Variants in RANBP17 observed in about 807,000 individuals in gnomAD.
RANBP17 encodes the protein RAN binding protein 17.
In RANBP17, 158 loss-of-function variants were observed where a neutral mutation model predicts 141.2. That is an observed-to-expected ratio of 1.12 (90% CI 0.98 to 1.28). The LOEUF (loss-of-function observed/expected upper bound fraction) is 1.28, where lower values mean the gene tolerates loss of function less well. Ranked by LOEUF, RANBP17 falls within the 50% of genes most tolerant of loss-of-function variation. The pLI is 0.00. For synonymous variants in RANBP17, 430 were observed against 450.0 expected, an observed-to-expected ratio of 0.96 and a Z score of 0.56; for missense variants, 1,438 against 1,290.7, an observed-to-expected ratio of 1.11 and a Z score of -1.75.
intron 14 of RANBP17, among the ~76,000 whole-genome samples, chr5:171,085,139 A>T (rs1236526591): frequency 1.9e-5 from 2 of 105,312 alleles, no homozygotes; most frequent in Admixed American, 1.0e-4. Context: ...TGATTTTTGT[A>T]TAAGGTGTAA....
rs187286011 is a variant in RANBP17, at chr5:171,202,431, A to G, written c.2142+2658A>G. Among the ~76,000 whole-genome samples, 150 of 152,328 alleles carry G rather than the reference A, an allele frequency of 9.8e-4. 1 individual carries two copies. The highest frequency in any genetic ancestry group is 9.3e-3 in the South Asian group (45 of 4,826). ...ACTTCTCAGAGAAAGAGAAGCAGTT[A>G]AATAGGAACCTGCTATCTTTAGTCC... On this transcript the variant is annotated intron_variant, in intron 19 of 27. Transcript: ENST00000523189.
At chr5:171,152,868 T>C (rs897406016) in intron 14 of RANBP17, among the ~76,000 whole-genome samples, 1 of 152,256 alleles carries the variant, frequency 6.6e-6, no homozygotes, top group African/African-American at 2.4e-5. Context: ...AAGGTGTCAT[T>C]AACCTCATTT....
rs185820549 is a variant in RANBP17 at position 171,018,491 on chromosome 5, C to T, written c.1710+50114C>T. Among the ~76,000 whole-genome samples the T allele has an allele frequency of 2.3e-3, 354 of 152,044 alleles. 2 individuals are homozygous for T. Among genetic ancestry groups the T allele is most frequent in the African/African-American group, 8.3e-3 (344 of 41,478 alleles). Reference sequence around the variant, plus strand: ...CCTTACATCCCTTGTTAGCTGTATTCGTAGGTATTTTATTTTCTTTGTAGC... The same window carrying T: ...CCTTACATCCCTTGTTAGCTGTATTTGTAGGTATTTTATTTTCTTTGTAGC... On this transcript the variant is annotated intron_variant, in intron 14 of 27. Transcript: ENST00000523189.
intron 25 of RANBP17, among the ~76,000 whole-genome samples, chr5:171,267,680 G>A (rs988681969): frequency 3.7e-4 from 56 of 152,086 alleles, no homozygotes; most frequent in Non-Finnish European, 1.9e-4. Flanking sequence ...GGTGGTGTGT[G>A]CCTGTATTCC....
At chr5:170,940,824 T>TA (rs1373776625) in intron 12 of RANBP17, among the ~76,000 whole-genome samples, 2 of 151,290 alleles carry the variant, frequency 1.3e-5, no homozygotes, top group Non-Finnish European at 2.9e-5. Context: ...TGGCGTGTTT[T>TA]AAAAAAAATT....
intron 18 of RANBP17, among the ~76,000 whole-genome samples, chr5:171,193,122 T>A (rs1326322114): frequency 6.6e-6 from 1 of 152,250 alleles, no homozygotes; most frequent in Non-Finnish European, 1.5e-5. Context: ...CCAGTGCCTA[T>A]GTCTCCTTGT....
At chr5:171,163,931 A>G (rs1759509547) in intron 14 of RANBP17, among the ~76,000 whole-genome samples, 2 of 152,198 alleles carry the variant, frequency 1.3e-5, no homozygotes, top group Non-Finnish European at 1.5e-5. Context: ...AAGTTATAGC[A>G]TCTTAAACAC....
chr5:171,238,969 C>A (rs976542696), intron 22 of RANBP17, among the ~76,000 whole-genome samples: 2 of 152,252 alleles, frequency 1.3e-5, no homozygotes, highest in African/African-American at 2.4e-5. Flanking sequence ...ATTTACAGAT[C>A]GATTTCCCCC....
At chr5:171,089,496 G>C (rs1322533269) in intron 14 of RANBP17, among the ~76,000 whole-genome samples, 1 of 152,082 alleles carries the variant, frequency 6.6e-6, no homozygotes, top group African/African-American at 2.4e-5. Flanking sequence ...CCCAGCTCGA[G>C]CTTCCCGGCT....
chr5:171,162,117 A>G (rs1759393566), intron 14 of RANBP17, among the ~76,000 whole-genome samples: 1 of 152,248 alleles, frequency 6.6e-6, no homozygotes. Context: ...ATCTGGTGCC[A>G]TAGCCATAGT....
chr5:171,196,179 G>C (rs779752999), intron 18 of RANBP17, among the ~76,000 whole-genome samples: 2 of 152,200 alleles, frequency 1.3e-5, no homozygotes, highest in African/African-American at 2.4e-5. Flanking sequence ...GTGATGTGGC[G>C]GGAGGGGAAC....
chr5:171,227,945 T>A (rs1021371079), intron 22 of RANBP17, among the ~76,000 whole-genome samples: 5 of 152,156 alleles, frequency 3.3e-5, no homozygotes, highest in Non-Finnish European at 7.3e-5. Context: ...CAGAAAAAGA[T>A]CCCTTTCAAA....
chr5:171,277,082 T>C (rs967104209), intron 25 of RANBP17, among the ~76,000 whole-genome samples: 1 of 151,732 alleles, frequency 6.6e-6, no homozygotes, highest in African/African-American at 2.4e-5. Context: ...TTTTTTTTTT[T>C]CTTAAGAATT....
At chr5:170,900,955 C>T (rs12516423) in intron 5 of RANBP17, among the ~76,000 whole-genome samples, 91,748 of 151,990 alleles carry the variant, frequency 0.6, 29,335 homozygotes, top group South Asian at 0.89. Context: ...AGAATAAGTG[C>T]GATGTGGTTG....
chr5:171,176,222 C>T (rs1157856059), intron 16 of RANBP17, among the ~76,000 whole-genome samples: 1 of 152,094 alleles, frequency 6.6e-6, no homozygotes, highest in Non-Finnish European at 1.5e-5. Context: ...TTCGTTTCTA[C>T]AAGCCAAAGA....
chr5:171,053,984 A>G (rs537119618), intron 14 of RANBP17, among the ~76,000 whole-genome samples: 5 of 145,546 alleles, frequency 3.4e-5, no homozygotes, highest in East Asian at 2.0e-4. Flanking sequence ...TGAAATGACT[A>G]TTTTATCAAT....
intron 14 of RANBP17, among the ~76,000 whole-genome samples, chr5:171,046,797 T>C (rs2127644088): frequency 6.6e-6 from 1 of 152,232 alleles, no homozygotes; most frequent in Middle Eastern, 3.4e-3. Context: ...ATCAATGTCA[T>C]TTGTAATCTT....
At chr5:171,056,874 A>C (rs2127662756) in intron 14 of RANBP17, among the ~76,000 whole-genome samples, 1 of 152,294 alleles carries the variant, frequency 6.6e-6, no homozygotes, top group South Asian at 2.1e-4. Context: ...ACAGCTTTCC[A>C]ACCAATCGGT....
intron 14 of RANBP17, among the ~76,000 whole-genome samples, chr5:171,053,110 G>A (rs1405416135): frequency 1.1e-4 from 16 of 152,166 alleles, no homozygotes; most frequent in South Asian, 2.1e-4. Flanking sequence ...GTGAGCCACC[G>A]TGCCCGGCCA....
Sources: allele counts gnomAD v4.1 joint callset (sites outside exome capture counted in the v4.1 genomes callset), GRCh38; gene constraint gnomAD v4.1.1; transcripts MANE v1.5; gene names NCBI Gene and HGNC (gene_info 2026-07-23, HGNC 2026-07-21).